PPARGC1A: variants seen among roughly 807,000 people sequenced by gnomAD.
PPARGC1A encodes the protein peroxisome proliferator-activated receptor gamma coactivator 1-alpha.
PPARGC1A carries 25 observed loss-of-function variants against 88.7 expected under a neutral mutation model. That is an observed-to-expected ratio of 0.28 (90% CI 0.21 to 0.39). The LOEUF (loss-of-function observed/expected upper bound fraction) is 0.39, where lower values mean the gene tolerates loss of function less well. Among genes scored for constraint, PPARGC1A ranks in the 10% least tolerant of loss-of-function variants. The probability of loss-of-function intolerance (pLI) is 1.00; values close to 1 mark genes in which losing one functional copy is unlikely to be tolerated. For missense variants in PPARGC1A, 880 were observed against 968.7 expected (o/e 0.91, Z 1.22); for synonymous variants, 363 against 355.6 (o/e 1.02, Z -0.24).
chr4:24,472,793 C>A, the PPARGC1A span, among the ~76,000 whole-genome samples: 39 of 150,370 alleles, frequency 2.6e-4, no homozygotes, highest in African/African-American at 9.0e-4. This position sits in a 1 kb window ranked among gnomAD's most constrained non-coding sequence, Gnocchi z 4.5. Context: ...TGTGCGTGTG[C>A]GTGTGTGTGG....
chr4:24,046,585 T>G, the PPARGC1A span, among the ~76,000 whole-genome samples: 1 of 152,204 alleles, frequency 6.6e-6, no homozygotes, highest in Non-Finnish European at 1.5e-5. Flanking sequence ...CTGTCCTTTG[T>G]GCTCAGGATA....
At chr4:23,904,460 GC>G (rs1326129009), upstream of PPARGC1A, among the ~76,000 whole-genome samples, 1 of 152,108 alleles carries the variant, frequency 6.6e-6, no homozygotes, top group African/African-American at 2.4e-5. Flanking sequence ...ATCCATCCAT[GC>G]CCATAACTGA....
At chr4:23,873,859 G>A (rs1162074935) in intron 2 of PPARGC1A, among the ~76,000 whole-genome samples, 1 of 152,066 alleles carries the variant, frequency 6.6e-6, no homozygotes, top group Non-Finnish European at 1.5e-5. Flanking sequence ...CCCAAAAAGA[G>A]CCTCCAAGTA....
chr4:24,305,623 A>G, the PPARGC1A span, among the ~76,000 whole-genome samples: 1 of 151,776 alleles, frequency 6.6e-6, no homozygotes, highest in Admixed American at 6.6e-5. Flanking sequence ...GACCAGCCTG[A>G]CCAACATGGA....
At chr4:24,262,798 C>G in the PPARGC1A span, among the ~76,000 whole-genome samples, 2 of 151,878 alleles carry the variant, frequency 1.3e-5, no homozygotes, top group South Asian at 4.2e-4. Context: ...GGGATTTCTA[C>G]AGAAGAGATT....
chr4:24,113,050 C>T, the PPARGC1A span, among the ~76,000 whole-genome samples: 316 of 152,300 alleles, frequency 2.1e-3, no homozygotes, highest in African/African-American at 7.2e-3. Flanking sequence ...TTCCAGAAAA[C>T]TTCCTTGCTT....
At chr4:24,114,989 G>A in the PPARGC1A span, among the ~76,000 whole-genome samples, 17 of 152,010 alleles carry the variant, frequency 1.1e-4, no homozygotes, top group Admixed American at 5.9e-4. Flanking sequence ...CTATGCTTGC[G>A]ACAAAGAAAC....
chr4:24,028,135 T>C, the PPARGC1A span, among the ~76,000 whole-genome samples: 12 of 152,076 alleles, frequency 7.9e-5, no homozygotes, highest in Non-Finnish European at 1.5e-4. Context: ...AAAAAATCTG[T>C]AGTGCTACTG....
At chr4:24,387,932 A>G in the PPARGC1A span, among the ~76,000 whole-genome samples, 427 of 31,202 alleles carry the variant, frequency 0.014, 24 homozygotes, top group African/African-American at 0.032. Context: ...GAAAGAAAGA[A>G]AGAGAAAGAA....
the PPARGC1A span, among the ~76,000 whole-genome samples, chr4:24,152,689 A>T: frequency 2.0e-5 from 3 of 152,238 alleles, no homozygotes; most frequent in Non-Finnish European, 4.4e-5. Context: ...TAATTAATTA[A>T]CTATATCAAG....
chr4:23,959,262 A>C, the PPARGC1A span, among the ~76,000 whole-genome samples: 1 of 152,152 alleles, frequency 6.6e-6, no homozygotes, highest in Non-Finnish European at 1.5e-5. Context: ...AGCAGGGAAC[A>C]AAGTGAACAC....
chr4:23,977,238 C>G, the PPARGC1A span, among the ~76,000 whole-genome samples: 4 of 151,882 alleles, frequency 2.6e-5, no homozygotes, highest in Admixed American at 6.6e-5. Flanking sequence ...CTCTCTCCGG[C>G]GCACACGCTC....
At chr4:24,371,884 GA>G in the PPARGC1A span, among the ~76,000 whole-genome samples, 1 of 151,976 alleles carries the variant, frequency 6.6e-6, no homozygotes, top group African/African-American at 2.4e-5. Context: ...CTGGGAGGTA[GA>G]GGTTGCAGTG....
the PPARGC1A span, among the ~76,000 whole-genome samples, chr4:24,075,507 T>A: frequency 1.2e-4 from 19 of 152,150 alleles, no homozygotes. Flanking sequence ...CTGCTCCAAC[T>A]GTGAAATACG....
At chr4:24,432,713 G>A in the PPARGC1A span, among the ~76,000 whole-genome samples, 1 of 152,172 alleles carries the variant, frequency 6.6e-6, no homozygotes, top group Non-Finnish European at 1.5e-5. Flanking sequence ...CCATACCTCT[G>A]TGAGTGTCTT....
At chr4:24,303,617 A>G in the PPARGC1A span, among the ~76,000 whole-genome samples, 3 of 152,236 alleles carry the variant, frequency 2.0e-5, no homozygotes, top group Admixed American at 6.5e-5. Flanking sequence ...ACAAGCCTCC[A>G]TGTCAACAGA....
the PPARGC1A span, among the ~76,000 whole-genome samples, chr4:24,167,844 C>T: frequency 2.0e-5 from 3 of 152,154 alleles, no homozygotes; most frequent in African/African-American, 4.8e-5. Flanking sequence ...ACCTCCACCC[C>T]CTGGGCTCAA....
the PPARGC1A span, among the ~76,000 whole-genome samples, chr4:23,912,040 AT>A: frequency 6.6e-6 from 1 of 152,236 alleles, no homozygotes; most frequent in Non-Finnish European, 1.5e-5. Flanking sequence ...GACCATTAGG[AT>A]AAGTCTGTAA....
At chr4:23,935,889 T>C in the PPARGC1A span, among the ~76,000 whole-genome samples, 1 of 152,086 alleles carries the variant, frequency 6.6e-6, no homozygotes, top group Non-Finnish European at 1.5e-5. Context: ...AAAAAAAAAT[T>C]GCTAAGTTGG....
Sources: allele counts gnomAD v4.1 joint callset (sites outside exome capture counted in the v4.1 genomes callset), GRCh38; gene constraint gnomAD v4.1.1; non-coding constraint Gnocchi (gnomAD v3.1); transcripts MANE v1.5; gene names NCBI Gene and HGNC (gene_info 2026-07-23, HGNC 2026-07-21).